The following CDH2 variants were observed in gnomAD, a reference collection of about 807,000 sequenced individuals.
CDH2 encodes the protein cadherin 2, also known as cadherin-2.
A neutral mutation model predicts 92.0 loss-of-function variants in CDH2; 17 were observed. The observed-to-expected ratio is 0.18, with a 90% CI of 0.13 to 0.28. The LOEUF is 0.28. CDH2 is among the 10% of genes least tolerant of loss of function. The pLI is 1.00. For missense variants in CDH2, 862 were observed against 1,133.1 expected (o/e 0.76, Z 3.44); for synonymous variants, 419 against 415.9 (o/e 1.01, Z -0.09).
chr18:28,067,782 A>C (rs1193849412), intron 2 of CDH2, among the ~76,000 whole-genome samples: 1 of 152,136 alleles, frequency 6.6e-6, no homozygotes, highest in Admixed American at 6.6e-5. Context: ...TGTGTTCAAG[A>C]CCATGGTCAA....
intron 2 of CDH2, among the ~76,000 whole-genome samples, chr18:28,043,461 A>T (rs2957284): frequency 8.8e-4 from 63 of 71,928 alleles, no homozygotes; most frequent in African/African-American, 1.5e-3. Context: ...GATATAAATA[A>T]ATATATATAT....
intron 2 of CDH2, among the ~76,000 whole-genome samples, chr18:28,063,478 G>C (rs892325270): frequency 6.6e-6 from 1 of 152,160 alleles, no homozygotes; most frequent in African/African-American, 2.4e-5. Context: ...GAAAAATAGG[G>C]AATTCTGGCA....
chr18:28,064,135 G>A (rs2014458947), intron 2 of CDH2, among the ~76,000 whole-genome samples: 1 of 135,878 alleles, frequency 7.4e-6, no homozygotes, highest in South Asian at 2.3e-4. Context: ...TTCCTCAAAA[G>A]AGGGGGGGGT....
At chr18:28,139,711 C>A (rs1344538202) in intron 2 of CDH2, among the ~76,000 whole-genome samples, 1 of 152,008 alleles carries the variant, frequency 6.6e-6, no homozygotes, top group Non-Finnish European at 1.5e-5. Flanking sequence ...CTTACTCAGT[C>A]TCCATTTCTC....
intron 2 of CDH2, among the ~76,000 whole-genome samples, chr18:28,143,268 C>T (rs1449559285): frequency 6.6e-6 from 1 of 152,020 alleles, no homozygotes; most frequent in Non-Finnish European, 1.5e-5. Context: ...CTAAAAACAG[C>T]CCAGGATCCT....
chr18:28,042,284 T>C (rs895014234), intron 2 of CDH2, among the ~76,000 whole-genome samples: 1 of 152,150 alleles, frequency 6.6e-6, no homozygotes. Flanking sequence ...GGAAATAACG[T>C]TTTATTACTT....
rs534640700 is a variant in CDH2 at position 28,132,500 on chromosome 18, G to A, written c.172+15173C>T. On this transcript the variant is annotated intron_variant, in intron 2 of 15. Coordinates refer to ENST00000269141, the MANE Select transcript of CDH2 (RefSeq NM_001792.5). ...AAAGGGAAGGAGGTGAGGAGAGAAG[G>A]ACGGAAGGGGGCAAAAGACAGAGGC... Among the ~76,000 whole-genome samples the A allele has an allele frequency of 2.0e-5, 3 of 152,284 alleles. No individual in the cohort carries two copies. In the East Asian group the frequency reaches 5.8e-4, roughly 29 times the overall value.
chr18:28,069,147 C>T (rs1483654061), intron 2 of CDH2, among the ~76,000 whole-genome samples: 1 of 152,116 alleles, frequency 6.6e-6, no homozygotes, highest in Non-Finnish European at 1.5e-5. Context: ...TAAAGATGCA[C>T]ATTATTTCAC....
At chr18:28,082,176 G>A (rs540112799) in intron 2 of CDH2, among the ~76,000 whole-genome samples, 5 of 152,094 alleles carry the variant, frequency 3.3e-5, no homozygotes, top group Non-Finnish European at 7.4e-5. Flanking sequence ...GGAAGCAGAG[G>A]CAGGAGGACT....
At chr18:28,157,855 C>G (rs2016245450) in intron 1 of CDH2, among the ~76,000 whole-genome samples, 1 of 152,080 alleles carries the variant, frequency 6.6e-6, no homozygotes. Context: ...AAATCAAAGC[C>G]TCACACCCCC....
intron 2 of CDH2, among the ~76,000 whole-genome samples, chr18:28,135,857 A>G (rs1323202888): frequency 6.6e-6 from 1 of 152,220 alleles, no homozygotes; most frequent in Non-Finnish European, 1.5e-5. Flanking sequence ...GAAATTCTAC[A>G]AAGAGACATT....
chr18:27,939,287 G>A (rs549408683), intron 6 of CDH2, among the ~76,000 whole-genome samples: 1 of 152,194 alleles, frequency 6.6e-6, no homozygotes, highest in Middle Eastern at 3.4e-3. Context: ...CTGGGGTCTT[G>A]GTGTCCTTAA....
chr18:28,161,350 G>A (rs965784306), intron 1 of CDH2, among the ~76,000 whole-genome samples: 6 of 152,040 alleles, frequency 3.9e-5, no homozygotes, highest in African/African-American at 9.7e-5. Flanking sequence ...AGGCCAAGGC[G>A]GGCATATCAC....
chr18:28,047,890 A>G (rs1057489428), intron 2 of CDH2, among the ~76,000 whole-genome samples: 1 of 151,476 alleles, frequency 6.6e-6, no homozygotes, highest in Admixed American at 6.6e-5. Context: ...AAAAAAAAAA[A>G]AAGAATGAAA....
Position 28,006,546 on chromosome 18 carries a change from CGTCTCTACTAAAA to C in CDH2, c.703-566_703-554del, listed in dbSNP as rs2012924960. Among the ~76,000 whole-genome samples, 6 of 149,656 alleles carry C rather than the reference CGTCTCTACTAAAA, an allele frequency of 4.0e-5. No homozygotes were observed. The South Asian group carries it at 1.3e-3, about 32-fold the overall frequency. ...CAGCCTGGCCAACATGGCGAAACCC[CGTCTCTACTAAAA>C]ATACAAAAAAAAAAAAATTAGCTGG... is the stretch of plus-strand genomic sequence containing the variant. On this transcript the variant is annotated intron_variant, in intron 5 of 15. Transcript: ENST00000269141.
At chr18:28,063,147 G>A (rs1290823911) in intron 2 of CDH2, among the ~76,000 whole-genome samples, 1 of 152,034 alleles carries the variant, frequency 6.6e-6, no homozygotes. Flanking sequence ...AAAGTATATA[G>A]CTTTGTAAAA....
At chr18:28,054,110 G>A (rs1330513335) in intron 2 of CDH2, among the ~76,000 whole-genome samples, 1 of 152,138 alleles carries the variant, frequency 6.6e-6, no homozygotes, top group Non-Finnish European at 1.5e-5. Flanking sequence ...GAGGAGTCAG[G>A]TGTCTGAGTC....
chr18:28,133,563 CAG>C (rs1170299217), intron 2 of CDH2, among the ~76,000 whole-genome samples: 1 of 115,422 alleles, frequency 8.7e-6, no homozygotes, highest in Admixed American at 1.3e-4. Flanking sequence ...GCCTAGGTGA[CAG>C]AGCGAGACTC....
chr18:27,946,826 A>G (rs1429203717), downstream of CDH2, among the ~76,000 whole-genome samples: 1 of 152,012 alleles, frequency 6.6e-6, no homozygotes, highest in Non-Finnish European at 1.5e-5. Context: ...GTTCAATTCA[A>G]TATTAGAAAA....
Sources: gnomAD v4.1 joint callset for allele counts (sites outside exome capture counted in the v4.1 genomes callset) on GRCh38, gnomAD v4.1.1 for gene constraint, MANE v1.5 for transcripts, NCBI Gene and HGNC (gene_info 2026-07-23, HGNC 2026-07-21) for gene names.